Variants in TMEM117 observed in about 807,000 individuals in gnomAD.
TMEM117 encodes transmembrane protein 117.
In TMEM117, 27 loss-of-function variants were observed where a neutral mutation model predicts 52.4. The ratio of observed to expected loss-of-function variants is 0.51; its 90% CI spans 0.38 to 0.71. The LOEUF is 0.71. Ranked by LOEUF, TMEM117 falls within the 30% of genes least tolerant of loss-of-function variation. TMEM117 has a pLI of 0.00. For missense variants in TMEM117, 556 were observed against 630.5 expected (o/e 0.88, Z 1.26); for synonymous variants, 215 against 206.3 (o/e 1.04, Z -0.36).
chr12:44,315,541 C>T (rs925845419), intron 6 of TMEM117, among the ~76,000 whole-genome samples: 2 of 152,120 alleles, frequency 1.3e-5, no homozygotes, highest in Non-Finnish European at 2.9e-5. Flanking sequence ...AGTTTAATTT[C>T]CAAGTAATTG....
At chr12:44,160,038 G>A (rs1309514870) in intron 4 of TMEM117, among the ~76,000 whole-genome samples, 1 of 152,072 alleles carries the variant, frequency 6.6e-6, no homozygotes, top group African/African-American at 2.4e-5. Context: ...AGAGAGAAGT[G>A]GCAGATTGTA....
intron 5 of TMEM117, among the ~76,000 whole-genome samples, chr12:44,254,942 A>C (rs1360517401): frequency 1.3e-5 from 2 of 152,070 alleles, no homozygotes; most frequent in Non-Finnish European, 2.9e-5. Context: ...GTTTGCTGAG[A>C]ATGATGGTTT....
intron 3 of TMEM117, among the ~76,000 whole-genome samples, chr12:44,134,739 T>C (rs1299713872): frequency 6.6e-6 from 1 of 152,132 alleles, no homozygotes; most frequent in Non-Finnish European, 1.5e-5. Flanking sequence ...CAGTTAAAAT[T>C]GAACAAAATA....
chr12:44,160,848 T>A (rs1420730448), intron 4 of TMEM117, among the ~76,000 whole-genome samples: 1 of 152,208 alleles, frequency 6.6e-6, no homozygotes, highest in Non-Finnish European at 1.5e-5. Context: ...TGTTGATGAT[T>A]TGAAATGAAT....
At chr12:44,246,566 GA>G (rs1950132700) in intron 5 of TMEM117, among the ~76,000 whole-genome samples, 1 of 152,112 alleles carries the variant, frequency 6.6e-6, no homozygotes, top group African/African-American at 2.4e-5. Context: ...CTGCTACAAG[GA>G]ATTTAAGTGA....
chr12:44,086,614 A>G (rs1016371440), intron 3 of TMEM117, among the ~76,000 whole-genome samples: 1 of 151,954 alleles, frequency 6.6e-6, no homozygotes, highest in African/African-American at 2.4e-5. Flanking sequence ...TTCTATTCAA[A>G]TCCAGACCTG....
At chr12:44,295,679 T>G (rs1226318062) in intron 5 of TMEM117, among the ~76,000 whole-genome samples, 2 of 140,514 alleles carry the variant, frequency 1.4e-5, no homozygotes, top group Non-Finnish European at 3.2e-5. Flanking sequence ...GGATTTCTGT[T>G]TTTTTTTTTA....
chr12:43,914,694 CCTGT>C (rs1231006427), intron 2 of TMEM117, among the ~76,000 whole-genome samples: 2 of 152,030 alleles, frequency 1.3e-5, no homozygotes, highest in African/African-American at 4.8e-5. Flanking sequence ...TCTTTATTCT[CCTGT>C]CTTTCTTTCA....
chr12:43,801,778 C>T, the TMEM117 span, among the ~76,000 whole-genome samples: 27 of 152,206 alleles, frequency 1.8e-4, 1 homozygote, highest in African/African-American at 4.8e-4. Context: ...ACCTGTAATC[C>T]CAGCACTTTG....
intron 3 of TMEM117, among the ~76,000 whole-genome samples, chr12:43,986,864 GTTT>G (rs1945855841): frequency 6.6e-6 from 1 of 151,966 alleles, no homozygotes; most frequent in Non-Finnish European, 1.5e-5. Context: ...AACTTCTGCT[GTTT>G]AACCTACCAA....
chr12:43,969,531 AT>A lies in TMEM117; in HGVS notation c.410+25190del, dbSNP rs767050844. On this transcript the variant is annotated intron_variant, in intron 3 of 7. Transcript: ENST00000266534. Reference sequence around the variant, plus strand: ...AGTGAGACTCTGTATCAAAAAAATAATAATAATAATTTAAAATTATATTTTC... The same window carrying A: ...AGTGAGACTCTGTATCAAAAAAATAAAATAATAATTTAAAATTATATTTTC... Among the ~76,000 whole-genome samples the A allele has an allele frequency of 6.2e-5, 9 of 146,230 alleles. 1 individual carries two copies. Among genetic ancestry groups the A allele is most frequent in the South Asian group, 2.2e-4 (1 of 4,560 alleles).
chr12:43,896,178 T>G lies in TMEM117; in HGVS notation c.278-48032T>G, dbSNP rs539589051. ...ATATTTAATAATAAAATACTAACAT[T>G]AATTGAGCTCCTACCTTGCAGCAAT... On this transcript the variant is annotated intron_variant, in intron 2 of 7. Coordinates refer to ENST00000266534, the MANE Select transcript of TMEM117 (RefSeq NM_032256.3). 1.9e-3 allele frequency among the ~76,000 whole-genome samples: 293 copies of G among 152,300 alleles called. 3 individuals are homozygous for G. The highest frequency in any genetic ancestry group is 6.7e-3 in the African/African-American group (277 of 41,558).
chr12:43,945,659 A>G (rs1012661103), intron 3 of TMEM117, among the ~76,000 whole-genome samples: 2 of 152,178 alleles, frequency 1.3e-5, no homozygotes, highest in Admixed American at 1.3e-4. Flanking sequence ...ATGTAAGGAG[A>G]TTGGCTTAGT....
intron 2 of TMEM117, among the ~76,000 whole-genome samples, chr12:43,886,777 G>A (rs946217371): frequency 2.6e-5 from 4 of 152,022 alleles, no homozygotes; most frequent in African/African-American, 9.7e-5. Context: ...GATCCTTTCT[G>A]TCCTCCCACC....
rs188294720 is a variant in TMEM117 at position 44,003,675 on chromosome 12, C to G, written c.410+59333C>G. On this transcript the variant is annotated intron_variant, in intron 3 of 7. Transcript: ENST00000266534. Reference sequence around the variant, plus strand: ...TAGTCCCTGAGCTTTTGTATGCTGTCTTTCTCTTGTGTCCTCAGAAAGGCA... The same window carrying G: ...TAGTCCCTGAGCTTTTGTATGCTGTGTTTCTCTTGTGTCCTCAGAAAGGCA... Among the ~76,000 whole-genome samples, 222 of 152,306 alleles carry G rather than the reference C, an allele frequency of 1.5e-3. 3 individuals carry two copies. Among genetic ancestry groups the G allele is most frequent in the African/African-American group, 5.0e-3 (207 of 41,560 alleles).
intron 3 of TMEM117, among the ~76,000 whole-genome samples, chr12:44,128,328 C>T (rs957168360): frequency 4.6e-5 from 7 of 152,208 alleles, no homozygotes; most frequent in African/African-American, 1.7e-4. Flanking sequence ...CTCTTCACAC[C>T]AGAAGAATTA....
intron 2 of TMEM117, among the ~76,000 whole-genome samples, chr12:43,935,340 A>G (rs1565758168): frequency 6.6e-6 from 1 of 152,236 alleles, no homozygotes; most frequent in Admixed American, 6.5e-5. Flanking sequence ...ACCGGAAGTG[A>G]ATTTCAATTA....
At chr12:44,137,840 T>C (rs1047933649) in intron 3 of TMEM117, among the ~76,000 whole-genome samples, 1 of 152,126 alleles carries the variant, frequency 6.6e-6, no homozygotes, top group Non-Finnish European at 1.5e-5. Context: ...AGATGAGATT[T>C]GGGTAGGGAC....
intron 4 of TMEM117, among the ~76,000 whole-genome samples, chr12:44,154,763 T>G (rs1403709887): frequency 1.3e-5 from 2 of 149,222 alleles, no homozygotes; most frequent in East Asian, 3.9e-4. Flanking sequence ...ATGCTATATA[T>G]CTAAAAAAAA....
Sources: gnomAD v4.1 joint callset for allele counts (sites outside exome capture counted in the v4.1 genomes callset) on GRCh38, gnomAD v4.1.1 for gene constraint, MANE v1.5 for transcripts, NCBI Gene and HGNC (gene_info 2026-07-23, HGNC 2026-07-21) for gene names.